CDH19: variants seen among roughly 807,000 people sequenced by gnomAD.
CDH19 encodes cadherin 19.
A neutral mutation model predicts 64.2 loss-of-function variants in CDH19; 67 were observed. The ratio of observed to expected loss-of-function variants is 1.04; its 90% CI spans 0.86 to 1.28. The LOEUF (loss-of-function observed/expected upper bound fraction) is 1.28. Among genes scored for constraint, CDH19 ranks in the 50% most tolerant of loss-of-function variants. The probability of loss-of-function intolerance (pLI) is 0.00; values close to 1 mark genes in which losing one functional copy is unlikely to be tolerated. For missense variants in CDH19, 1,030 were observed against 929.0 expected, an observed-to-expected ratio of 1.11 and a Z score of -1.41; for synonymous variants, 346 against 319.3, an observed-to-expected ratio of 1.08 and a Z score of -0.89.
chr18:66,520,342 T>TTC (rs1555684272), intron 9 of CDH19, among the ~76,000 whole-genome samples: 1 of 39,674 alleles, frequency 2.5e-5, no homozygotes, highest in African/African-American at 1.3e-4. Context: ...AAAATAGCTG[T>TTC]TTTTTTTTTT....
intron 4 of CDH19, among the ~76,000 whole-genome samples, chr18:66,554,107 G>A (rs752122206): frequency 2.0e-5 from 3 of 151,686 alleles, no homozygotes; most frequent in Admixed American, 1.3e-4. Flanking sequence ...GCTTATAAAT[G>A]TTTTTTCCCT....
intron 9 of CDH19, among the ~76,000 whole-genome samples, chr18:66,521,055 T>A (rs1393521527): frequency 6.7e-6 from 1 of 148,692 alleles, no homozygotes; most frequent in Non-Finnish European, 1.5e-5. Context: ...TTTCATTTTA[T>A]ATACATTTTT....
rs955327754 is a variant in CDH19 at position 66,597,790 on chromosome 18, C to T, written c.-113+6164G>A. Among the ~76,000 whole-genome samples, 3 of 152,098 alleles carry T rather than the reference C, an allele frequency of 2.0e-5. No homozygotes were observed. In the East Asian group the frequency reaches 5.8e-4, roughly 29 times the overall value. On this transcript the variant is annotated intron_variant, in intron 1 of 11. Transcript: ENST00000262150. ...TTTAAACATGGGCAAAAGATATGAACAGAGGCTTCTCAAAAGAAGACATGC... is the reference window on the plus strand; with the variant it reads ...TTTAAACATGGGCAAAAGATATGAATAGAGGCTTCTCAAAAGAAGACATGC...
chr18:66,510,251 A>C (rs751295630), intron 10 of CDH19, among the ~76,000 whole-genome samples: 59 of 151,850 alleles, frequency 3.9e-4, no homozygotes, highest in Admixed American at 6.6e-4. Context: ...CTTAAGGTCT[A>C]TAAAGCCCAT....
intron 1 of CDH19, among the ~76,000 whole-genome samples, chr18:66,588,948 T>C (rs951754112): frequency 6.6e-6 from 1 of 151,618 alleles, no homozygotes; most frequent in African/African-American, 2.4e-5. Flanking sequence ...TAATGCTTCC[T>C]ACTTCCAACA....
intron 9 of CDH19, among the ~76,000 whole-genome samples, chr18:66,520,174 G>C (rs1985917935): frequency 6.6e-6 from 1 of 152,010 alleles, no homozygotes; most frequent in Non-Finnish European, 1.5e-5. Context: ...GACACAGCCA[G>C]ACTCTGTCTC....
In CDH19 at chr18:66,572,244, G is replaced by A. The variant is rs1313056156; in HGVS notation, c.-40C>T. The A allele has an allele frequency of 3.3e-6, 5 of 1,493,846 alleles. No individual in the cohort carries two copies. The South Asian group carries it at 4.8e-5, about 14-fold the overall frequency. 92.5% of individuals were successfully genotyped at this position (1,493,846 alleles called of 1,614,324 possible). A position where few individuals can be genotyped will look rare whatever the true frequency, so the allele number is the denominator to read the frequency against. On this transcript the variant is annotated 5_prime_UTR_variant, in exon 2 of 12. Transcript: ENST00000262150. ...TGATTCCAACTATTACTCTTCAGAG[G>A]AAACAGGACGTCACTAACAAAAATC...
chr18:66,542,788 T>C (rs777277695), intron 7 of CDH19, among the ~76,000 whole-genome samples: 11 of 152,130 alleles, frequency 7.2e-5, no homozygotes, highest in Non-Finnish European at 1.2e-4. Flanking sequence ...GGAGCATGAA[T>C]CCTGTTGTGA....
chr18:66,530,844 G>A (rs1209969963), intron 8 of CDH19, among the ~76,000 whole-genome samples: 1 of 152,118 alleles, frequency 6.6e-6, no homozygotes, highest in Non-Finnish European at 1.5e-5. Flanking sequence ...CCGAATGTCT[G>A]CAGCATCCCT....
At chr18:66,572,792 A>T (rs2144583268) in intron 1 of CDH19, among the ~76,000 whole-genome samples, 1 of 151,904 alleles carries the variant, frequency 6.6e-6, no homozygotes, top group South Asian at 2.1e-4. Flanking sequence ...AATTAAATAG[A>T]CAAAATGACA....
intron 9 of CDH19, among the ~76,000 whole-genome samples, chr18:66,518,302 C>T (rs1464995365): frequency 1.3e-5 from 2 of 152,008 alleles, no homozygotes; most frequent in East Asian, 3.8e-4. Flanking sequence ...GGTGCGATCT[C>T]GGCTCACTAC....
rs8086435 is a variant in CDH19 at position 66,504,769 on chromosome 18, G to A, written c.*43C>T. On this transcript the variant is annotated 3_prime_UTR_variant, in exon 12 of 12. Transcript: ENST00000262150. ...ACTCTTTAAGACTACCATTGGGTTCGAATACACATTAGCACTTTTAAAAAT... is the reference window on the plus strand; with the variant it reads ...ACTCTTTAAGACTACCATTGGGTTCAAATACACATTAGCACTTTTAAAAAT... 20 of 1,546,402 alleles carry A rather than the reference G, an allele frequency of 1.3e-5. No homozygotes were observed. The African/African-American group carries it at 1.6e-4, about 13-fold the overall frequency.
In CDH19 at chr18:66,543,966, C is replaced by G; in HGVS notation, c.1214+5G>C. The stretch of plus-strand genomic sequence containing the variant: ...ATTAATGCAAAACTGACCTTACAGA[C>G]ATACCTGATAGGAGATTTCCTATTG... On this transcript the variant is annotated splice_donor_5th_base_variant and intron_variant, in intron 7 of 11. Coordinates refer to ENST00000262150, the MANE Select transcript of CDH19 (RefSeq NM_021153.4). 2.5e-6 allele frequency: 4 copies of G among 1,602,210 alleles called. No homozygotes were observed. Among genetic ancestry groups the G allele is most frequent in the Non-Finnish European group, 3.4e-6 (4 of 1,172,600 alleles).
chr18:66,533,700 G>A (rs1437493410), intron 8 of CDH19, among the ~76,000 whole-genome samples: 1 of 151,886 alleles, frequency 6.6e-6, no homozygotes, highest in African/African-American at 2.4e-5. Context: ...CCAGAAAAGA[G>A]ACTAAGCACA....
chr18:66,554,517 T>C lies in CDH19; in HGVS notation c.498A>G (p.Leu166=), dbSNP rs751214524. The C allele has an allele frequency of 1.9e-6, 3 of 1,610,688 alleles. No individual in the cohort carries two copies. Among genetic ancestry groups the C allele is most frequent in the Non-Finnish European group, 2.5e-6 (3 of 1,177,644 alleles). Residue 166 remains leucine, a synonymous_variant, in exon 4 of 12, where the codon TTA becomes TTG. Transcript: ENST00000262150. ...CATCACTTGCTGTCACCTGGATAAC[T>C]AATGTTCCTAAAGAGAACATAATAC... The part of the protein sequence containing the change: ...IVPEMSPEGT[L]VIQVTASDAD...
intron 5 of CDH19, among the ~76,000 whole-genome samples, chr18:66,548,258 TA>T (rs34802833): frequency 0.13 from 17,146 of 135,184 alleles, 1,157 homozygotes; most frequent in South Asian, 0.22. Flanking sequence ...TATATATATA[TA>T]TATTTTTTTA....
rs1418923332 is a variant in CDH19, at chr18:66,504,342, A to T, written c.*470T>A. The T allele has an allele frequency of 6.9e-6, 1 of 144,324 alleles. No homozygotes were observed. Among genetic ancestry groups the T allele is most frequent in the South Asian group, 2.2e-4 (1 of 4,644 alleles). The allele number at this position is 144,324 out of a possible 1,614,324, so 8.9% of individuals were successfully genotyped here. A position where few individuals can be genotyped will look rare whatever the true frequency, so the allele number is the denominator to read the frequency against. On this transcript the variant is annotated 3_prime_UTR_variant, in exon 12 of 12. Transcript: ENST00000262150. Reference sequence around the variant, plus strand: ...AAAGGAAACAATACTTCATGGAATAATTCATGAAAATTTCTCTGACTATAC... The same window carrying T: ...AAAGGAAACAATACTTCATGGAATATTTCATGAAAATTTCTCTGACTATAC...
intron 3 of CDH19, 122 bp from the exon 4 acceptor site, chr18:66,554,646 C>T (rs904054196): frequency 1.7e-5 from 11 of 651,770 alleles, no homozygotes; most frequent in South Asian, 3.2e-5. Context: ...CAATTCACCT[C>T]CTTGTTCTTA....
At position 66,568,691 on chromosome 18, in the gene CDH19, T is replaced by A; in HGVS notation, c.215A>T (p.Asn72Ile). The A allele has an allele frequency of 6.2e-7, 1 of 1,608,262 alleles. No homozygotes were observed. The highest frequency in any genetic ancestry group is 8.5e-7 in the Non-Finnish European group (1 of 1,178,122). ...HIGQLRSDLDNGNNSFQYKLL... is the reference protein window; with the variant it reads ...HIGQLRSDLDIGNNSFQYKLL... ...CTTGTACTGGAAAGAATTGTTTCCA[T>A]TGTCTAAATCAGATCTTAGCTGCAA... is the stretch of plus-strand genomic sequence containing the variant. The change falls in exon 3 of 12, where the codon AAT becomes ATT. Residue 72 changes from asparagine (N) to isoleucine (I), a missense_variant. By Grantham distance (149) the Asn-to-Ile change is moderately radical. Coordinates refer to ENST00000262150, the MANE Select transcript of CDH19 (RefSeq NM_021153.4).
Sources: allele counts gnomAD v4.1 joint callset (sites outside exome capture counted in the v4.1 genomes callset), GRCh38; gene constraint gnomAD v4.1.1; transcripts MANE v1.5; gene names NCBI Gene and HGNC (gene_info 2026-07-23, HGNC 2026-07-21).